The following PPEF2 variants were observed in gnomAD, a reference collection of about 807,000 sequenced individuals.
PPEF2 encodes the protein serine/threonine-protein phosphatase with EF-hands 2.
In PPEF2, 84 loss-of-function variants were observed where a neutral mutation model predicts 84.7. The observed-to-expected ratio is 0.99, with a 90% CI of 0.83 to 1.19. The LOEUF (loss-of-function observed/expected upper bound fraction) is 1.19, where lower values mean the gene tolerates loss of function less well. PPEF2 is among the 50% of genes most tolerant of loss of function. The probability of loss-of-function intolerance (pLI) is 0.00; values close to 1 mark genes in which losing one functional copy is unlikely to be tolerated. For missense variants in PPEF2, 924 were observed against 937.5 expected (o/e 0.99, Z 0.19); for synonymous variants, 346 against 345.2 (o/e 1.00, Z -0.03).
intron 16 of PPEF2, 78 bp downstream of exon 16, chr4:75,864,362 G>C (rs1724077565): frequency 1.8e-6 from 2 of 1,095,326 alleles, no homozygotes; most frequent in South Asian, 2.6e-5. Flanking sequence ...GAATGAGGAT[G>C]AATCAGGAAG....
At chr4:75,887,535 C>G (rs1578012681) in intron 6 of PPEF2, among the ~76,000 whole-genome samples, 1 of 150,134 alleles carries the variant, frequency 6.7e-6, no homozygotes, top group African/African-American at 2.5e-5. Context: ...GCAGGAGAAT[C>G]GTGTGAACCC....
intron 2 of PPEF2, among the ~76,000 whole-genome samples, chr4:75,893,989 A>G (rs1724952389): frequency 1.3e-5 from 2 of 152,126 alleles, no homozygotes; most frequent in African/African-American, 4.8e-5. Flanking sequence ...ATGTATTTTT[A>G]ATAGCACAAT....
chr4:75,881,349 C>G (rs929436504), intron 10 of PPEF2: 1 of 152,170 alleles, frequency 6.6e-6, no homozygotes, highest in African/African-American at 2.4e-5. Context: ...CCGCTGGCCT[C>G]CGACTCTCAG....
intron 13 of PPEF2, among the ~76,000 whole-genome samples, chr4:75,869,082 G>A (rs1724204302): frequency 6.6e-6 from 1 of 152,210 alleles, no homozygotes; most frequent in South Asian, 2.1e-4. Flanking sequence ...GAGCATATGT[G>A]AATTTTTTGT....
chr4:75,887,018 A>G (rs1173917707), intron 6 of PPEF2, 120 bp from the exon 7 acceptor site: 11 of 508,662 alleles, frequency 2.2e-5, no homozygotes, highest in Middle Eastern at 3.4e-4. Context: ...AAAGTTTTCC[A>G]TATGTAAGAT....
In PPEF2 at chr4:75,888,201, G is replaced by C; in HGVS notation, c.532+13C>G. 1 of 1,577,950 alleles carries C rather than the reference G, an allele frequency of 6.3e-7. No homozygotes were observed. The highest frequency in any genetic ancestry group is 2.2e-5 in the East Asian group (1 of 44,718). ...GTGTGCAGCATGGAAAGCCGTTTCT[G>C]ACCAGCTCTTACCACACACTGTGAT... On this transcript the variant is annotated intron_variant, in intron 6 of 16. Transcript: ENST00000286719.
chr4:75,890,585 G>A (rs759730324), intron 4 of PPEF2, among the ~76,000 whole-genome samples: 3 of 152,018 alleles, frequency 2.0e-5, no homozygotes, highest in Non-Finnish European at 4.4e-5. Context: ...GAAAAAGGAA[G>A]GAGAAAGTGA....
At chr4:75,865,032 G>C (rs1481103941) in intron 15 of PPEF2, among the ~76,000 whole-genome samples, 1 of 152,052 alleles carries the variant, frequency 6.6e-6, no homozygotes, top group Non-Finnish European at 1.5e-5. Context: ...CGCCTCCCGG[G>C]TTCAAGCGAT....
intron 12 of PPEF2, 54 bp from the exon 13 acceptor site, chr4:75,872,221 C>T (rs956339791): frequency 3.7e-5 from 57 of 1,557,792 alleles, no homozygotes; most frequent in Non-Finnish European, 4.2e-5. Context: ...GAAACCTTCA[C>T]CCTCAATCCT....
chr4:75,900,357 A>G (rs1372656934), intron 1 of PPEF2, among the ~76,000 whole-genome samples: 1 of 152,240 alleles, frequency 6.6e-6, no homozygotes, highest in East Asian at 1.9e-4. Context: ...GATATCTATC[A>G]TGGGCCAATA....
chr4:75,894,675 G>A (rs562766526), intron 2 of PPEF2, among the ~76,000 whole-genome samples: 25 of 152,282 alleles, frequency 1.6e-4, no homozygotes, highest in Non-Finnish European at 2.6e-4. Context: ...CCTGGGTTCT[G>A]TGCATGGCAG....
chr4:75,860,595 T>C lies in PPEF2; in HGVS notation c.*72A>G, dbSNP rs1335757019. On this transcript the variant is annotated 3_prime_UTR_variant, in exon 17 of 17. Transcript: ENST00000286719. ...TCAGCATAAAGTTTCACATGGAGAA[T>C]AAGGGAGATAGTCTAGTGAGAAGCT... 6.4e-7 allele frequency: 1 copy of C among 1,564,090 alleles called. No individual in the cohort carries two copies. Among genetic ancestry groups the C allele is most frequent in the Non-Finnish European group, 8.7e-7 (1 of 1,145,516 alleles).
chr4:75,873,398 A>G lies in PPEF2; in HGVS notation c.1321-86T>C. The G allele has an allele frequency of 2.5e-6, 3 of 1,208,460 alleles. No homozygotes were observed. In the South Asian group the frequency reaches 4.6e-5, roughly 18 times the overall value. 74.9% of individuals were successfully genotyped at this position (1,208,460 alleles called of 1,614,324 possible). Reference sequence around the variant, plus strand: ...TTCAAATGAAAGGAAGAGGAGGAGGAAAATATTTGAATAAAAATAAGTGAA... The same window carrying G: ...TTCAAATGAAAGGAAGAGGAGGAGGGAAATATTTGAATAAAAATAAGTGAA... On this transcript the variant is annotated intron_variant, in intron 11 of 16. Coordinates refer to ENST00000286719, the MANE Select transcript of PPEF2 (RefSeq NM_006239.3).
At chr4:75,895,894 A>AG (rs397782587) in intron 2 of PPEF2, among the ~76,000 whole-genome samples, 2 of 151,464 alleles carry the variant, frequency 1.3e-5, no homozygotes, top group African/African-American at 4.9e-5. Flanking sequence ...TAAAAAAAAA[A>AG]TTGTTAGATT....
chr4:75,868,118 T>G (rs1445819520), intron 13 of PPEF2, among the ~76,000 whole-genome samples: 1 of 149,354 alleles, frequency 6.7e-6, no homozygotes, highest in Non-Finnish European at 1.5e-5. Context: ...GAGACCAGCC[T>G]TGGCAACATG....
At chr4:75,863,851 A>C (rs145707483) in intron 16 of PPEF2, among the ~76,000 whole-genome samples, 3 of 151,422 alleles carry the variant, frequency 2.0e-5, no homozygotes, top group African/African-American at 7.3e-5. Context: ...AATATAAAGG[A>C]TATCACATCT....
At chr4:75,887,492 G>A (rs1263527930) in intron 6 of PPEF2, among the ~76,000 whole-genome samples, 3 of 151,980 alleles carry the variant, frequency 2.0e-5, no homozygotes, top group African/African-American at 4.8e-5. Flanking sequence ...GTGGTGGCGG[G>A]CGCCTGTAGT....
Position 75,873,328 on chromosome 4 carries a change from G to A in PPEF2, c.1321-16C>T. On this transcript the variant is annotated splice_polypyrimidine_tract_variant and intron_variant, in intron 11 of 16. Transcript: ENST00000286719. ...TATCTACAACCTGAGAAGACCAAGAGATGATTTCCTTCCCAAAAACTAGAT... is the reference window on the plus strand; with the variant it reads ...TATCTACAACCTGAGAAGACCAAGAAATGATTTCCTTCCCAAAAACTAGAT... 6.3e-7 allele frequency: 1 copy of A among 1,584,776 alleles called. No homozygotes were observed. Among genetic ancestry groups the A allele is most frequent in the Non-Finnish European group, 8.6e-7 (1 of 1,164,978 alleles).
intron 13 of PPEF2, among the ~76,000 whole-genome samples, chr4:75,868,135 C>T (rs1369472833): frequency 8.5e-6 from 1 of 117,220 alleles, no homozygotes. Flanking sequence ...CATGGCAAAA[C>T]CCCCCTCTCT....
Sources: gnomAD v4.1 joint callset for allele counts (sites outside exome capture counted in the v4.1 genomes callset) on GRCh38, gnomAD v4.1.1 for gene constraint, MANE v1.5 for transcripts, NCBI Gene and HGNC (gene_info 2026-07-23, HGNC 2026-07-21) for gene names.